Variants in RTN4R observed in about 807,000 individuals in gnomAD.
The protein encoded by RTN4R is reticulon-4 receptor.
Under a neutral mutation model 27.7 loss-of-function variants are expected in RTN4R, and 4 were observed. The ratio of observed to expected loss-of-function variants is 0.14; its 90% CI spans 0.07 to 0.33. The LOEUF (loss-of-function observed/expected upper bound fraction) is 0.33. Ranked by LOEUF, RTN4R falls within the 10% of genes least tolerant of loss-of-function variation. The pLI, the probability that RTN4R is intolerant of heterozygous loss-of-function variation, is 1.00. For synonymous variants in RTN4R, 290 were observed against 305.6 expected, an observed-to-expected ratio of 0.95 and a Z score of 0.53; for missense variants, 554 against 671.5, an observed-to-expected ratio of 0.83 and a Z score of 1.93.
chr22:20,246,235 C>T (rs368425051), intron 1 of RTN4R, among the ~76,000 whole-genome samples: 33 of 152,288 alleles, frequency 2.2e-4, no homozygotes, highest in Middle Eastern at 3.4e-3. Context: ...GGACAGTGAC[C>T]GGATACTGAC....
At chr22:20,266,706 CG>C (rs1569043791) in intron 1 of RTN4R, among the ~76,000 whole-genome samples, 7 of 152,138 alleles carry the variant, frequency 4.6e-5, no homozygotes, top group Non-Finnish European at 1.0e-4. Flanking sequence ...CTGGGCTTTG[CG>C]GTATTCAACG....
intron 1 of RTN4R, among the ~76,000 whole-genome samples, chr22:20,253,446 T>G (rs993725632): frequency 6.6e-6 from 1 of 151,806 alleles, no homozygotes; most frequent in African/African-American, 2.4e-5. Context: ...GAAATGAGGG[T>G]GATGCAGAGT....
chr22:20,260,118 C>T (rs1474955943), intron 1 of RTN4R, among the ~76,000 whole-genome samples: 1 of 152,168 alleles, frequency 6.6e-6, no homozygotes, highest in East Asian at 1.9e-4. Flanking sequence ...CCCATGGCCC[C>T]AGCGGGTGGG....
In RTN4R at chr22:20,241,442, C is replaced by T. The variant is rs919276332; in HGVS notation, c.*269G>A. On this transcript the variant is annotated 3_prime_UTR_variant, in exon 2 of 2. Transcript: ENST00000043402. The stretch of plus-strand genomic sequence containing the variant: ...AAGAAAAGAGCTCTTTATTCCACGT[C>T]GTCCGATATTTTTACACAAGTAAAA... 2.2e-5 allele frequency: 12 copies of T among 535,878 alleles called. No individual in the cohort carries two copies. Among genetic ancestry groups the T allele is most frequent in the African/African-American group, 3.8e-5 (2 of 52,208 alleles). The allele number at this position is 535,878 out of a possible 1,614,324, so 33.2% of individuals were successfully genotyped here. A position where few individuals can be genotyped will look rare whatever the true frequency, so the allele number is the denominator to read the frequency against.
intron 1 of RTN4R, chr22:20,243,593 G>GC: frequency 2.3e-6 from 1 of 431,142 alleles, no homozygotes; most frequent in Non-Finnish European, 4.8e-6. Flanking sequence ...GCGCCTGGAT[G>GC]CCCGAGGGCG....
chr22:20,253,550 T>C (rs1430632621), intron 1 of RTN4R, among the ~76,000 whole-genome samples: 1 of 152,134 alleles, frequency 6.6e-6, no homozygotes, highest in Non-Finnish European at 1.5e-5. Flanking sequence ...CCAGGGCCGA[T>C]GGGCAGAAGA....
In RTN4R at chr22:20,263,824, C is replaced by T. The variant is rs569295568; in HGVS notation, c.22+4247G>A. On this transcript the variant is annotated intron_variant, in intron 1 of 1. Transcript: ENST00000043402. ...GCCTCCATCGGACAGGACACAGCTG[C>T]GGAACAGTGTCAGCATCACCCCATG... Among the ~76,000 whole-genome samples the T allele has an allele frequency of 1.5e-4, 23 of 152,388 alleles. No individual in the cohort carries two copies. In the East Asian group the frequency reaches 2.5e-3, roughly 17 times the overall value.
chr22:20,243,040 G>A lies in RTN4R; in HGVS notation c.93C>T (p.Cys31=), dbSNP rs775822288. 49 of 1,603,164 alleles carry A rather than the reference G, an allele frequency of 3.1e-5. No individual in the cohort carries two copies. Among genetic ancestry groups the A allele is most frequent in the South Asian group, 4.4e-5 (4 of 91,090 alleles). Residue 31 remains cysteine, a synonymous_variant, in exon 2 of 2, where the codon TGC becomes TGT. Coordinates refer to ENST00000043402, the MANE Select transcript of RTN4R (RefSeq NM_023004.6). The part of the protein sequence containing the change: ...WQVAAPCPGA[C]VCYNEPKVTT... ...TCACCTTGGGCTCATTGTAGCATAC[G>A]CAGGCACCTGGGCATGGGGCTGCCA...
chr22:20,252,794 G>A (rs951373074), intron 1 of RTN4R, among the ~76,000 whole-genome samples: 4 of 152,072 alleles, frequency 2.6e-5, no homozygotes, highest in African/African-American at 9.7e-5. Flanking sequence ...TGCAGCCCTG[G>A]GCTCAGATGT....
intron 1 of RTN4R, among the ~76,000 whole-genome samples, chr22:20,246,761 G>A (rs958386348): frequency 2.0e-5 from 3 of 152,272 alleles, no homozygotes; most frequent in African/African-American, 7.2e-5. Flanking sequence ...GCAGCACAGG[G>A]CAGGCAGCTG....
At chr22:20,247,898 T>C (rs1270924381) in intron 1 of RTN4R, among the ~76,000 whole-genome samples, 4 of 152,234 alleles carry the variant, frequency 2.6e-5, no homozygotes, top group African/African-American at 9.6e-5. Context: ...CCTTCAGGAC[T>C]GGCCTCCTGA....
intron 1 of RTN4R, among the ~76,000 whole-genome samples, chr22:20,266,659 G>A (rs2145987985): frequency 6.6e-6 from 1 of 152,360 alleles, no homozygotes; most frequent in East Asian, 1.9e-4. Context: ...CAGCCCTGGT[G>A]GGTAGGGAGT....
At chr22:20,258,521 G>A (rs1485031743) in intron 1 of RTN4R, among the ~76,000 whole-genome samples, 1 of 152,250 alleles carries the variant, frequency 6.6e-6, no homozygotes, top group African/African-American at 2.4e-5. Flanking sequence ...GACAGGCTGG[G>A]TGGGTCTCAA....
intron 1 of RTN4R, among the ~76,000 whole-genome samples, chr22:20,247,626 G>A (rs1481093595): frequency 6.6e-6 from 1 of 152,176 alleles, no homozygotes; most frequent in African/African-American, 2.4e-5. Flanking sequence ...GCTGCGGCAG[G>A]AGATTGGCAG....
rs200367744 is a variant in RTN4R, at chr22:20,251,585, C to T, written c.23-8475G>A. ...AGCAGCATCATCACCATCATCACCACCACTATCATCATTACCATCCTCATT... is the reference window on the plus strand; with the variant it reads ...AGCAGCATCATCACCATCATCACCATCACTATCATCATTACCATCCTCATT... On this transcript the variant is annotated intron_variant, in intron 1 of 1. Transcript: ENST00000043402. Among the ~76,000 whole-genome samples, 506 of 147,038 alleles carry T rather than the reference C, an allele frequency of 3.4e-3. 7 individuals carry two copies. In the East Asian group the frequency reaches 0.068, roughly 20 times the overall value.
At chr22:20,244,852 T>A (rs1237232948) in intron 1 of RTN4R, among the ~76,000 whole-genome samples, 167 of 152,114 alleles carry the variant, frequency 1.1e-3, no homozygotes, top group Non-Finnish European at 5.9e-5. Flanking sequence ...CCACTGACTG[T>A]GGGGGTCACC....
chr22:20,256,569 G>A (rs1296446639), intron 1 of RTN4R, among the ~76,000 whole-genome samples: 1 of 152,224 alleles, frequency 6.6e-6, no homozygotes, highest in East Asian at 1.9e-4. Context: ...GACTCAGCCT[G>A]TTCAGGGCAG....
At chr22:20,264,858 G>A (rs1024184950) in intron 1 of RTN4R, among the ~76,000 whole-genome samples, 2 of 152,202 alleles carry the variant, frequency 1.3e-5, no homozygotes, top group African/African-American at 4.8e-5. Flanking sequence ...AATGGGGGCG[G>A]GACGGCATGA....
In RTN4R at chr22:20,243,763, C is replaced by G. The variant is rs141726100; in HGVS notation, c.23-653G>C. The G allele has an allele frequency of 2.4e-4, 78 of 323,314 alleles. No homozygotes were observed. In the East Asian group the frequency reaches 8.3e-3, roughly 34 times the overall value. 20.0% of individuals were successfully genotyped at this position (323,314 alleles called of 1,614,324 possible). A position where few individuals can be genotyped will look rare whatever the true frequency, so the allele number is the denominator to read the frequency against. On this transcript the variant is annotated intron_variant, in intron 1 of 1. Coordinates refer to ENST00000043402, the MANE Select transcript of RTN4R (RefSeq NM_023004.6). Reference sequence around the variant, plus strand: ...CCCCTGGCCTCATTCTCTGCTCCATCTCCTCCCTGGGAGGAGTTCACTCCT... The same window carrying G: ...CCCCTGGCCTCATTCTCTGCTCCATGTCCTCCCTGGGAGGAGTTCACTCCT...
Sources: gnomAD v4.1 joint callset for allele counts (sites outside exome capture counted in the v4.1 genomes callset) on GRCh38, gnomAD v4.1.1 for gene constraint, MANE v1.5 for transcripts, NCBI Gene and HGNC (gene_info 2026-07-23, HGNC 2026-07-21) for gene names.